NEO1: variants seen among roughly 807,000 people sequenced by gnomAD.
The protein encoded by NEO1 is neogenin.
In NEO1, 63 loss-of-function variants were observed where a neutral mutation model predicts 159.7. The ratio of observed to expected loss-of-function variants is 0.39; its 90% CI spans 0.32 to 0.49. The LOEUF (loss-of-function observed/expected upper bound fraction) is 0.49, where lower values mean the gene tolerates loss of function less well. Among genes scored for constraint, NEO1 ranks in the 20% least tolerant of loss-of-function variants. The pLI, the probability that NEO1 is intolerant of heterozygous loss-of-function variation, is 0.85. For synonymous variants in NEO1, 633 were observed against 662.0 expected, an observed-to-expected ratio of 0.96 and a Z score of 0.67; for missense variants, 1,615 against 1,831.0, an observed-to-expected ratio of 0.88 and a Z score of 2.15.
intron 1 of NEO1, among the ~76,000 whole-genome samples, chr15:73,093,262 TTG>T (rs954120221): frequency 6.6e-6 from 1 of 152,150 alleles, no homozygotes; most frequent in African/African-American, 2.4e-5. Flanking sequence ...CTGGCTGAGA[TTG>T]TGTTTGTCAA....
At chr15:73,069,364 C>A (rs898729260) in intron 1 of NEO1, among the ~76,000 whole-genome samples, 2 of 151,584 alleles carry the variant, frequency 1.3e-5, no homozygotes, top group Admixed American at 6.6e-5. Context: ...GTTCTTTGAT[C>A]TTATATACCT....
intron 7 of NEO1, among the ~76,000 whole-genome samples, chr15:73,235,465 C>T (rs1459907495): frequency 1.3e-5 from 2 of 152,196 alleles, no homozygotes; most frequent in African/African-American, 4.8e-5. Context: ...TTACCCATGG[C>T]TACCGCTATA....
At position 73,131,940 on chromosome 15, in the gene NEO1, C is replaced by T. The variant is rs951345187; in HGVS notation, c.879-3951C>T. On this transcript the variant is annotated intron_variant, in intron 4 of 28. Transcript: ENST00000261908. ...TAGTCTATCTTTCTGAAATATTTTT[C>T]GCACCTCATTATTTAGTTAGCTTCT... 3.9e-5 allele frequency among the ~76,000 whole-genome samples: 6 copies of T among 152,278 alleles called. No homozygotes were observed. The East Asian group carries it at 7.7e-4, about 20-fold the overall frequency.
intron 11 of NEO1, 50 bp downstream of exon 11, chr15:73,249,771 G>A: frequency 6.4e-7 from 1 of 1,552,006 alleles, no homozygotes. Context: ...TGCCCCTAGT[G>A]GTTTAGTTGT....
intron 4 of NEO1, among the ~76,000 whole-genome samples, chr15:73,135,094 T>C (rs1159658729): frequency 2.0e-5 from 3 of 152,240 alleles, no homozygotes; most frequent in Non-Finnish European, 4.4e-5. Context: ...TCTTGCCCTA[T>C]GTCAGGTACC....
At chr15:73,135,176 A>G (rs2031606911) in intron 4 of NEO1, among the ~76,000 whole-genome samples, 2 of 152,218 alleles carry the variant, frequency 1.3e-5, no homozygotes, top group African/African-American at 4.8e-5. Context: ...ATTTGATCAG[A>G]GTATTGATTG....
In NEO1 at chr15:73,272,576, A is replaced by T; in HGVS notation, c.2965+14A>T. 6.5e-7 allele frequency: 1 copy of T among 1,531,034 alleles called. No homozygotes were observed. Among genetic ancestry groups the T allele is most frequent in the Non-Finnish European group, 9.1e-7 (1 of 1,103,810 alleles). 94.8% of individuals were successfully genotyped at this position (1,531,034 alleles called of 1,614,324 possible). On this transcript the variant is annotated intron_variant, in intron 19 of 28. Coordinates refer to ENST00000261908, the MANE Select transcript of NEO1 (RefSeq NM_002499.4). ...GCAAAATTACAGGTAAAATGCAATCAAGTGTGCATTTCTTTGTGCGCTCTT... is the reference window on the plus strand; with the variant it reads ...GCAAAATTACAGGTAAAATGCAATCTAGTGTGCATTTCTTTGTGCGCTCTT...
At chr15:73,238,520 A>T (rs1244799112) in intron 8 of NEO1, among the ~76,000 whole-genome samples, 1 of 151,614 alleles carries the variant, frequency 6.6e-6, no homozygotes, top group Non-Finnish European at 1.5e-5. Flanking sequence ...GGAAAAATAA[A>T]AGTTATGTCT....
intron 1 of NEO1, among the ~76,000 whole-genome samples, chr15:73,096,417 A>G (rs997602712): frequency 6.6e-6 from 1 of 152,186 alleles, no homozygotes; most frequent in Admixed American, 6.5e-5. Flanking sequence ...TACCAGTACA[A>G]TGTTGAAGAC....
At chr15:73,282,598 A>G (rs1471696845) in intron 22 of NEO1, among the ~76,000 whole-genome samples, 9 of 152,272 alleles carry the variant, frequency 5.9e-5, no homozygotes, top group African/African-American at 2.2e-4. Flanking sequence ...TAAATGACTT[A>G]TAAGTGGTGC....
chr15:73,194,941 A>G (rs1056585567), intron 7 of NEO1, among the ~76,000 whole-genome samples: 2 of 152,210 alleles, frequency 1.3e-5, no homozygotes, highest in African/African-American at 4.8e-5. Flanking sequence ...GTTATGCTAT[A>G]ATGAATGCTG....
At chr15:73,178,161 A>G in intron 6 of NEO1, 146 bp from the exon 7 acceptor site, 1 of 714,038 alleles carries the variant, frequency 1.4e-6, no homozygotes, top group Admixed American at 2.9e-5. Context: ...TATGAAATTG[A>G]GTTAACAAGT....
chr15:73,239,896 G>A (rs2039403432), intron 8 of NEO1, among the ~76,000 whole-genome samples: 1 of 152,122 alleles, frequency 6.6e-6, no homozygotes. Context: ...AATGCCTAAA[G>A]CAGTGATCCT....
At chr15:73,194,836 T>C (rs1297474908) in intron 7 of NEO1, among the ~76,000 whole-genome samples, 1 of 152,244 alleles carries the variant, frequency 6.6e-6, no homozygotes, top group African/African-American at 2.4e-5. Flanking sequence ...ATTAGAGTTT[T>C]ACACTAATTA....
intron 16 of NEO1, among the ~76,000 whole-genome samples, chr15:73,269,360 T>G (rs543358975): frequency 2.0e-5 from 3 of 152,286 alleles, no homozygotes; most frequent in Admixed American, 1.3e-4. Context: ...TTTTTGGTTT[T>G]GGGGTTTTTT....
intron 5 of NEO1, chr15:73,162,886 C>A: frequency 5.5e-6 from 1 of 182,686 alleles, no homozygotes; most frequent in South Asian, 1.3e-4. Flanking sequence ...AAAACATGGT[C>A]CTCAGGCCTC....
chr15:73,103,607 A>G (rs2070520228), intron 1 of NEO1, among the ~76,000 whole-genome samples: 1 of 152,120 alleles, frequency 6.6e-6, no homozygotes. Context: ...GGCTGTGATC[A>G]TATCATTGTA....
chr15:73,302,511 C>T (rs2042660290), intron 28 of NEO1, 102 bp from the exon 29 acceptor site: 1 of 1,015,114 alleles, frequency 9.9e-7, no homozygotes, highest in South Asian at 1.4e-5. Flanking sequence ...TTTTCTGGGG[C>T]CATTTGACTA....
chr15:73,085,387 G>A (rs2069301145), intron 1 of NEO1, among the ~76,000 whole-genome samples: 1 of 152,096 alleles, frequency 6.6e-6, no homozygotes, highest in African/African-American at 2.4e-5. Context: ...TGACAACTGG[G>A]TTGCCAGCAG....
Sources: allele counts gnomAD v4.1 joint callset (sites outside exome capture counted in the v4.1 genomes callset), GRCh38; gene constraint gnomAD v4.1.1; transcripts MANE v1.5; gene names NCBI Gene and HGNC (gene_info 2026-07-23, HGNC 2026-07-21).